MAP3K1: variants seen among roughly 807,000 people sequenced by gnomAD.
The protein encoded by MAP3K1 is MAP/ERK kinase kinase 1.
In MAP3K1, 36 loss-of-function variants were observed where a neutral mutation model predicts 144.2. The ratio of observed to expected loss-of-function variants is 0.25; its 90% confidence interval spans 0.19 to 0.33. MAP3K1 has a LOEUF of 0.33. Among genes scored for constraint, MAP3K1 ranks in the 10% least tolerant of loss-of-function variants. The pLI is 1.00. For synonymous variants in MAP3K1, 718 were observed against 688.7 expected, an observed-to-expected ratio of 1.04 and a Z score of -0.67; for missense variants, 1,650 against 1,881.9, an observed-to-expected ratio of 0.88 and a Z score of 2.28.
chr5:56,836,477 A>G (rs986167720), intron 1 of MAP3K1, among the ~76,000 whole-genome samples: 1 of 152,166 alleles, frequency 6.6e-6, no homozygotes, highest in Admixed American at 6.5e-5. Context: ...AGAAATACCC[A>G]TATAGATATT....
chr5:56,883,530 C>T lies in MAP3K1; in HGVS notation c.3670C>T (p.Pro1224Ser). 1 of 1,613,882 alleles carries T rather than the reference C, an allele frequency of 6.2e-7. No individual in the cohort carries two copies. Among genetic ancestry groups the T allele is most frequent in the Non-Finnish European group, 8.5e-7 (1 of 1,179,884 alleles). Residue 1224 changes from proline to serine, a missense_variant, in exon 15 of 20, where the codon CCA becomes TCA. Coordinates refer to ENST00000399503, the MANE Select transcript of MAP3K1 (RefSeq NM_005921.2). ...ATTGCTTTCGTTTAATATGTAGACA[C>T]CAGAGACTCTACCAGGACATACCAA... ...EDIIIIQQDT[P>S]ETLPGHTKAK...
rs758597381 is a variant in MAP3K1, at chr5:56,875,190, T to C, written c.1845T>C (p.Ser615=). ...GGGGCAGCAGTGGAAGCAGCCCGAG[T>C]GGGGGAGCCACCAGTGGGTCTTCCC... The part of the protein sequence containing the change: ...NSGGSSGSSP[S]GGATSGSSQT... Residue 615 remains serine (S), a synonymous_variant, in exon 10 of 20, where the codon AGT becomes AGC. Transcript: ENST00000399503. 1.5e-5 allele frequency: 24 copies of C among 1,613,912 alleles called. No individual in the cohort carries two copies. Among genetic ancestry groups the C allele is most frequent in the South Asian group, 1.1e-4 (10 of 91,082 alleles).
intron 1 of MAP3K1, among the ~76,000 whole-genome samples, chr5:56,846,403 T>C (rs1425076988): frequency 2.0e-5 from 3 of 152,168 alleles, no homozygotes; most frequent in African/African-American, 7.2e-5. Flanking sequence ...TGAAAACAAG[T>C]CTTCCTTCAC....
At chr5:56,826,051 G>A (rs1001718686) in intron 1 of MAP3K1, among the ~76,000 whole-genome samples, 2 of 151,488 alleles carry the variant, frequency 1.3e-5, no homozygotes, top group African/African-American at 4.9e-5. Context: ...TAAGGCATTT[G>A]AAATGGCTTC....
chr5:56,854,901 C>A (rs1747290774), intron 1 of MAP3K1, among the ~76,000 whole-genome samples: 1 of 152,156 alleles, frequency 6.6e-6, no homozygotes, highest in Non-Finnish European at 1.5e-5. Flanking sequence ...GCCTGGGAAC[C>A]AAACCACCTC....
intron 3 of MAP3K1, among the ~76,000 whole-genome samples, chr5:56,863,894 T>C (rs1404368035): frequency 2.0e-5 from 3 of 152,212 alleles, no homozygotes; most frequent in East Asian, 1.9e-4. Flanking sequence ...GAGAGTGTTA[T>C]ATATTATCCT....
intron 9 of MAP3K1, among the ~76,000 whole-genome samples, chr5:56,873,963 T>A (rs1247616883): frequency 6.6e-6 from 1 of 152,138 alleles, no homozygotes; most frequent in Non-Finnish European, 1.5e-5. Flanking sequence ...CAAAGAACTC[T>A]CAAGTTGATT....
At chr5:56,885,286 T>G (rs975224741) in intron 16 of MAP3K1, among the ~76,000 whole-genome samples, 3 of 152,228 alleles carry the variant, frequency 2.0e-5, no homozygotes, top group Non-Finnish European at 4.4e-5. Flanking sequence ...TATTATACAA[T>G]GTATACAATA....
intron 11 of MAP3K1, among the ~76,000 whole-genome samples, chr5:56,879,723 CTTT>C (rs1346451071): frequency 6.6e-6 from 1 of 152,164 alleles, no homozygotes; most frequent in African/African-American, 2.4e-5. Flanking sequence ...CAATGGTTCT[CTTT>C]TATTTTCCCC....
intron 3 of MAP3K1, among the ~76,000 whole-genome samples, chr5:56,860,940 A>G (rs944185471): frequency 6.6e-6 from 1 of 152,218 alleles, no homozygotes; most frequent in African/African-American, 2.4e-5. Flanking sequence ...TTAGAATTTT[A>G]GAAAGCTACT....
chr5:56,884,427 G>C (rs969694620), intron 15 of MAP3K1, among the ~76,000 whole-genome samples: 1 of 152,078 alleles, frequency 6.6e-6, no homozygotes, highest in East Asian at 1.9e-4. Flanking sequence ...TTTACTCTGA[G>C]ACTATTGGAA....
At chr5:56,886,847 T>A (rs115179954) in intron 17 of MAP3K1, among the ~76,000 whole-genome samples, 2 of 152,074 alleles carry the variant, frequency 1.3e-5, no homozygotes, top group Non-Finnish European at 2.9e-5. Context: ...CTGTAACTCA[T>A]TTCCTGGGCT....
intron 18 of MAP3K1, 182 bp from the exon 19 acceptor site, chr5:56,888,044 T>C (rs1170592649): frequency 1.4e-5 from 9 of 625,998 alleles, no homozygotes; most frequent in Non-Finnish European, 2.5e-5. Flanking sequence ...TTCTCCAAAA[T>C]ATTTTTGTGC....
In MAP3K1 at chr5:56,885,963, T is replaced by G. The variant is rs777375495; in HGVS notation, c.4014T>G (p.Tyr1338Ter). 2 of 1,612,852 alleles carry G rather than the reference T, an allele frequency of 1.2e-6. No individual in the cohort carries two copies. Among genetic ancestry groups the G allele is most frequent in the Non-Finnish European group, 1.7e-6 (2 of 1,178,860 alleles). The change falls in exon 17 of 20, where the codon TAT becomes TAG. Residue 1338 changes from tyrosine to a stop codon, truncating the protein, a stop_gained. Coordinates refer to ENST00000399503, the MANE Select transcript of MAP3K1 (RefSeq NM_005921.2). LOFTEE classifies it high-confidence loss of function. ...CGGTGGCTCATTTGCTGAGTAAATA[T>G]GGAGCCTTCAAAGAATCAGTAGTTA... ...GGSVAHLLSK[Y>*]GAFKESVVIN...
intron 15 of MAP3K1, among the ~76,000 whole-genome samples, chr5:56,884,444 C>T (rs1298135509): frequency 6.6e-6 from 1 of 152,146 alleles, no homozygotes; most frequent in African/African-American, 2.4e-5. Flanking sequence ...GGAATATTGA[C>T]TATATCCCAA....
At chr5:56,890,016 G>A (rs1333700626) in intron 19 of MAP3K1, among the ~76,000 whole-genome samples, 2 of 152,004 alleles carry the variant, frequency 1.3e-5, no homozygotes, top group Non-Finnish European at 2.9e-5. Flanking sequence ...CCCCCATTTT[G>A]TGCTTCTCCT....
At chr5:56,835,349 T>G (rs1285634993) in intron 1 of MAP3K1, among the ~76,000 whole-genome samples, 54 of 32,658 alleles carry the variant, frequency 1.7e-3, no homozygotes, top group African/African-American at 1.8e-3. Flanking sequence ...CAGGGAAGAG[T>G]TGACAGGAAG....
intron 3 of MAP3K1, among the ~76,000 whole-genome samples, chr5:56,863,680 T>TA (rs1450110521): frequency 6.6e-6 from 1 of 152,244 alleles, no homozygotes; most frequent in African/African-American, 2.4e-5. Flanking sequence ...TGCTGGGTAA[T>TA]ACGTTTAACA....
intron 1 of MAP3K1, among the ~76,000 whole-genome samples, chr5:56,834,320 T>A (rs1282080737): frequency 1.3e-5 from 2 of 152,202 alleles, no homozygotes; most frequent in Non-Finnish European, 2.9e-5. Flanking sequence ...AGAGTTTAAT[T>A]CTTGTGTTCT....
Sources: gnomAD v4.1 joint callset for allele counts (sites outside exome capture counted in the v4.1 genomes callset) on GRCh38, gnomAD v4.1.1 for gene constraint, MANE v1.5 for transcripts, NCBI Gene and HGNC (gene_info 2026-07-23, HGNC 2026-07-21) for gene names.